Variants in NEDD4L observed in about 807,000 individuals in gnomAD.
The protein encoded by NEDD4L is E3 ubiquitin-protein ligase NEDD4-like.
In NEDD4L, 54 loss-of-function variants were observed where a neutral mutation model predicts 148.9. The ratio of observed to expected loss-of-function variants is 0.36; its 90% CI spans 0.29 to 0.45. NEDD4L has a LOEUF of 0.45. Among genes scored for constraint, NEDD4L ranks in the 20% least tolerant of loss-of-function variants. The pLI, the probability that NEDD4L is intolerant of heterozygous loss-of-function variation, is 1.00. For synonymous variants in NEDD4L, 433 were observed against 440.7 expected, an observed-to-expected ratio of 0.98 and a Z score of 0.22; for missense variants, 856 against 1,233.8, an observed-to-expected ratio of 0.69 and a Z score of 4.59.
At chr18:58,093,269 GGT>G (rs2084188989) in intron 1 of NEDD4L, among the ~76,000 whole-genome samples, 1 of 152,084 alleles carries the variant, frequency 6.6e-6, no homozygotes, top group Non-Finnish European at 1.5e-5. Context: ...CATCTAGCAT[GGT>G]GCATTTCACA....
intron 1 of NEDD4L, among the ~76,000 whole-genome samples, chr18:58,109,219 G>C (rs1030872748): frequency 1.3e-5 from 2 of 152,216 alleles, no homozygotes; most frequent in African/African-American, 4.8e-5. Flanking sequence ...CCAGGAGGGC[G>C]TGATAAGTGC....
intron 5 of NEDD4L, chr18:58,255,733 C>A (rs1481000104): frequency 8.1e-7 from 1 of 1,232,298 alleles, no homozygotes; most frequent in Non-Finnish European, 1.0e-6. Flanking sequence ...AAGACGACTT[C>A]TTCATGGCAT....
At chr18:58,194,136 T>A (rs372073359) in intron 2 of NEDD4L, 1 of 152,154 alleles carries the variant, frequency 6.6e-6, no homozygotes, top group East Asian at 1.9e-4. Context: ...AGAACAAGGG[T>A]TGTCCTTGAG....
chr18:58,372,830 CAA>C (rs11318354), intron 23 of NEDD4L, among the ~76,000 whole-genome samples: 5,162 of 132,756 alleles, frequency 0.039, 116 homozygotes, highest in African/African-American at 0.08. Context: ...ATCTCAAAAA[CAA>C]AAAAAAAAAA....
intron 1 of NEDD4L, among the ~76,000 whole-genome samples, chr18:58,052,577 C>T (rs1363229438): frequency 2.6e-5 from 4 of 151,932 alleles, no homozygotes; most frequent in Non-Finnish European, 5.9e-5. Context: ...AGACATCTAC[C>T]AAGAGATTTT....
chr18:58,114,657 G>A (rs2085661140), intron 1 of NEDD4L, among the ~76,000 whole-genome samples: 1 of 128,758 alleles, frequency 7.8e-6, no homozygotes, highest in Non-Finnish European at 1.5e-5. Context: ...GCACGGATTT[G>A]CTATTATATC....
chr18:58,292,136 G>A lies in NEDD4L; in HGVS notation c.298-23846G>A, dbSNP rs181287894. On this transcript the variant is annotated intron_variant, in intron 5 of 30. Transcript: ENST00000400345. ...CACAGCTTTGGGTGCCCTCTGAGGCGTGCACTGGCTGGTAGCAGTGGGTAT... is the reference window on the plus strand; with the variant it reads ...CACAGCTTTGGGTGCCCTCTGAGGCATGCACTGGCTGGTAGCAGTGGGTAT... 6.2e-4 allele frequency among the ~76,000 whole-genome samples: 68 copies of A among 110,170 alleles called. 2 individuals carry two copies. The East Asian group carries it at 0.012, about 20-fold the overall frequency. The allele number at this position is 110,170 out of a possible 152,430, so 72.3% of individuals were successfully genotyped here. A position where few individuals can be genotyped will look rare whatever the true frequency, so the allele number is the denominator to read the frequency against.
rs2048551759 is a variant in NEDD4L at position 58,256,294 on chromosome 18, C to G, written c.297+4240C>G. 1 of 1,231,530 alleles carries G rather than the reference C, an allele frequency of 8.1e-7. No individual in the cohort carries two copies. The highest frequency in any genetic ancestry group is 4.1e-5 in the South Asian group (1 of 24,326). The allele number at this position is 1,231,530 out of a possible 1,614,324, so 76.3% of individuals were successfully genotyped here. ...GCCCCGATGGCCAGGGCGGCCCGGCCGCGGCAGAGCCCAGGCGCTGGTCCC... is the reference window on the plus strand; with the variant it reads ...GCCCCGATGGCCAGGGCGGCCCGGCGGCGGCAGAGCCCAGGCGCTGGTCCC... On this transcript the variant is annotated intron_variant, in intron 5 of 30. Transcript: ENST00000400345. This position sits in a 1 kb window ranked among gnomAD's most constrained non-coding sequence, Gnocchi z 5.2.
chr18:58,215,027 G>C (rs1245002277), intron 2 of NEDD4L, among the ~76,000 whole-genome samples: 1 of 152,000 alleles, frequency 6.6e-6, no homozygotes, highest in African/African-American at 2.4e-5. Flanking sequence ...GGCCAGGCTG[G>C]TCTTGAACTC....
intron 24 of NEDD4L, among the ~76,000 whole-genome samples, chr18:58,382,882 T>C (rs1355488236): frequency 1.3e-5 from 2 of 152,232 alleles, no homozygotes; most frequent in Admixed American, 1.3e-4. Context: ...CAGAATGCAT[T>C]AGAATTTGGA....
At chr18:58,296,929 GA>G (rs1484034516) in intron 5 of NEDD4L, among the ~76,000 whole-genome samples, 2,290 of 151,004 alleles carry the variant, frequency 0.015, 59 homozygotes, top group African/African-American at 0.053. Context: ...CTCAAAAAAA[GA>G]AAAAAAGTTA....
chr18:58,376,472 T>A (rs2146450920), intron 24 of NEDD4L, among the ~76,000 whole-genome samples: 1 of 152,318 alleles, frequency 6.6e-6, no homozygotes, highest in East Asian at 1.9e-4. Flanking sequence ...TTTTGCACTC[T>A]GGGAAGGAAT....
intron 1 of NEDD4L, among the ~76,000 whole-genome samples, chr18:58,118,778 T>A (rs1010300284): frequency 1.2e-4 from 18 of 152,292 alleles, no homozygotes; most frequent in Non-Finnish European, 2.5e-4. Flanking sequence ...ACACACTTTC[T>A]CCCACTCTCC....
rs142055919 is a variant in NEDD4L, at chr18:58,324,553, A to G, written c.514-443A>G. On this transcript the variant is annotated intron_variant, in intron 8 of 30. Transcript: ENST00000400345. ...TTAGAACACAGGTGCAGCGCAGCTC[A>G]TCTTCCCTGCTCCCTTTACCTCATA... 6.3e-3 allele frequency among the ~76,000 whole-genome samples: 956 copies of G among 152,332 alleles called. 12 individuals are homozygous for G. Among genetic ancestry groups the G allele is most frequent in the African/African-American group, 0.022 (902 of 41,570 alleles).
At chr18:58,329,350 A>C (rs191724707) in intron 10 of NEDD4L, among the ~76,000 whole-genome samples, 1 of 152,074 alleles carries the variant, frequency 6.6e-6, no homozygotes, top group Non-Finnish European at 1.5e-5. Flanking sequence ...TGGGAATAAC[A>C]TTATTTTTAT....
At chr18:58,093,037 G>A (rs1407613895) in intron 1 of NEDD4L, among the ~76,000 whole-genome samples, 1 of 151,518 alleles carries the variant, frequency 6.6e-6, no homozygotes, top group Non-Finnish European at 1.5e-5. Context: ...ATTTTTTTTT[G>A]TATTTTTAGT....
At chr18:58,084,964 G>A (rs990844791) in intron 1 of NEDD4L, among the ~76,000 whole-genome samples, 11 of 151,902 alleles carry the variant, frequency 7.2e-5, no homozygotes, top group South Asian at 6.2e-4. Flanking sequence ...CAACATGCTA[G>A]GATTGCAGGT....
intron 24 of NEDD4L, among the ~76,000 whole-genome samples, chr18:58,375,673 T>C (rs1042726589): frequency 6.6e-6 from 1 of 152,128 alleles, no homozygotes; most frequent in South Asian, 2.1e-4. Flanking sequence ...CCTCGAGGTA[T>C]TGACTGACGT....
chr18:58,183,905 C>T (rs756646329), intron 2 of NEDD4L, among the ~76,000 whole-genome samples: 5 of 152,176 alleles, frequency 3.3e-5, no homozygotes, highest in Non-Finnish European at 7.3e-5. Context: ...CATGGTGGCT[C>T]ACGCCTGTAA....
Sources: gnomAD v4.1 joint callset for allele counts (sites outside exome capture counted in the v4.1 genomes callset) on GRCh38, gnomAD v4.1.1 for gene constraint, Gnocchi (gnomAD v3.1) non-coding constraint, MANE v1.5 for transcripts, NCBI Gene and HGNC (gene_info 2026-07-23, HGNC 2026-07-21) for gene names.